The following ZNF652 variants were observed in gnomAD, a reference collection of about 807,000 sequenced individuals.
ZNF652 encodes the protein zinc finger protein 652.
ZNF652 carries 16 observed loss-of-function variants against 45.2 expected under a neutral mutation model. The ratio of observed to expected loss-of-function variants is 0.35; its 90% CI spans 0.24 to 0.54. ZNF652 has a LOEUF of 0.54. Ranked by LOEUF, ZNF652 falls within the 20% of genes least tolerant of loss-of-function variation. The pLI is 0.91. For synonymous variants in ZNF652, 250 were observed against 260.6 expected (o/e 0.96, Z 0.39); for missense variants, 614 against 765.6 (o/e 0.80, Z 2.34).
rs1342377056 is a variant in ZNF652, at chr17:49,312,827, A to G, written c.919T>C (p.Ser307Pro). The change falls in exon 3 of 6, where the codon TCG (serine) becomes CCG (proline). Residue 307 changes from serine (S) to proline (P), a missense_variant. Ser to Pro is a moderately conservative substitution (Grantham distance 74). Around this residue, in one of 5 missense-constraint regions of ZNF652, gnomAD observed 262 missense variants for 306.3 expected, o/e 0.86. Transcript: ENST00000430262. ...KNIQCVSCNKSFKKLWSLHEH... is the reference protein window; with the variant it reads ...KNIQCVSCNKPFKKLWSLHEH... Reference sequence around the variant, plus strand: ...TGAAGGGACCAGAGTTTCTTGAACGATTTGTTACAGGAAACACACTGAGCA... The same window carrying G: ...TGAAGGGACCAGAGTTTCTTGAACGGTTTGTTACAGGAAACACACTGAGCA... 1 of 1,613,962 alleles carries G rather than the reference A, an allele frequency of 6.2e-7. No homozygotes were observed. Among genetic ancestry groups the G allele is most frequent in the Admixed American group, 1.7e-5 (1 of 60,006 alleles).
chr17:49,304,055 A>ATTTTTTTTTT (rs58790188), intron 5 of ZNF652, among the ~76,000 whole-genome samples: 8 of 117,392 alleles, frequency 6.8e-5, no homozygotes, highest in Non-Finnish European at 1.0e-4. Flanking sequence ...TGCCTGGCTA[A>ATTTTTTTTTT]TTTTTTTTTT....
intron 1 of ZNF652, among the ~76,000 whole-genome samples, chr17:49,349,939 G>GTA (rs572041472): frequency 1.4e-3 from 213 of 152,190 alleles, no homozygotes; most frequent in African/African-American, 4.9e-3. Flanking sequence ...ATTATATATA[G>GTA]TATATATATG....
intron 1 of ZNF652, among the ~76,000 whole-genome samples, chr17:49,322,866 C>T (rs2069912408): frequency 6.6e-6 from 1 of 152,138 alleles, no homozygotes; most frequent in Non-Finnish European, 1.5e-5. Context: ...GCCTGGGTGA[C>T]AGAGCAAGAC....
At position 49,322,134 on chromosome 17, in the gene ZNF652, A is replaced by G. The variant is rs145750678; in HGVS notation, c.-258-4151T>C. Among the ~76,000 whole-genome samples the G allele has an allele frequency of 5.9e-5, 9 of 152,356 alleles. No individual in the cohort carries two copies. The East Asian group carries it at 1.5e-3, about 26-fold the overall frequency. ...TGATTAAGATGGTACTCAATAAAATAGCTTTTCTAAAGAGACTAAAGATGA... is the reference window on the plus strand; with the variant it reads ...TGATTAAGATGGTACTCAATAAAATGGCTTTTCTAAAGAGACTAAAGATGA... On this transcript the variant is annotated intron_variant, in intron 1 of 5. Transcript: ENST00000430262.
chr17:49,339,685 C>T (rs1191009901), intron 1 of ZNF652, among the ~76,000 whole-genome samples: 4 of 152,138 alleles, frequency 2.6e-5, no homozygotes, highest in African/African-American at 7.2e-5. Flanking sequence ...TTTAACCAAG[C>T]GATTTTCCAT....
intron 1 of ZNF652, among the ~76,000 whole-genome samples, chr17:49,349,864 C>G (rs1214924519): frequency 6.6e-6 from 1 of 152,154 alleles, no homozygotes; most frequent in Non-Finnish European, 1.5e-5. Context: ...CACAAGATAA[C>G]TCTTAAAGAT....
At chr17:49,299,026 G>A (rs2069515787) in intron 5 of ZNF652, 102 bp from the exon 6 acceptor site, 6 of 1,278,470 alleles carry the variant, frequency 4.7e-6, no homozygotes, top group African/African-American at 1.5e-5. Context: ...ATGTTGATCA[G>A]GCTGGTCTCG....
At chr17:49,320,795 A>G (rs965428729) in intron 1 of ZNF652, among the ~76,000 whole-genome samples, 8 of 152,270 alleles carry the variant, frequency 5.3e-5, no homozygotes, top group Admixed American at 3.9e-4. Context: ...AAAAGAATAA[A>G]GAGTAATCAT....
intron 1 of ZNF652, among the ~76,000 whole-genome samples, chr17:49,344,565 G>C (rs1297990319): frequency 1.4e-5 from 2 of 144,596 alleles, no homozygotes; most frequent in Non-Finnish European, 3.0e-5. Flanking sequence ...CTGTCACCCA[G>C]GCTGGAGTGC....
Position 49,317,390 on chromosome 17 carries a change from G to A in ZNF652, c.336C>T (p.Tyr112=). The A allele has an allele frequency of 6.2e-7, 1 of 1,613,950 alleles. No individual in the cohort carries two copies. Among genetic ancestry groups the A allele is most frequent in the African/African-American group, 1.3e-5 (1 of 74,938 alleles). ...DTEEEEEEVS[Y]KREQIIVEVN... ...CCTCCACTATGATCTGCTCCCTTTT[G>A]TAAGAGACTTCTTCCTCTTCCTCCT... Residue 112 remains tyrosine, a synonymous_variant, in exon 2 of 6, where the codon TAC becomes TAT. Transcript: ENST00000430262.
intron 1 of ZNF652, among the ~76,000 whole-genome samples, chr17:49,329,912 A>G (rs1433149363): frequency 6.6e-6 from 1 of 152,234 alleles, no homozygotes; most frequent in Non-Finnish European, 1.5e-5. Flanking sequence ...AGTCAGCTGA[A>G]GCAATCTTAA....
intron 1 of ZNF652, among the ~76,000 whole-genome samples, chr17:49,319,860 G>A (rs2069865486): frequency 1.3e-5 from 2 of 151,856 alleles, no homozygotes; most frequent in African/African-American, 4.8e-5. Context: ...CCAGGCTGGT[G>A]GGACTGATTT....
At chr17:49,335,233 T>C (rs2070067997) in intron 1 of ZNF652, among the ~76,000 whole-genome samples, 1 of 152,216 alleles carries the variant, frequency 6.6e-6, no homozygotes, top group African/African-American at 2.4e-5. Context: ...TTGTATAAAA[T>C]GATATTATTG....
chr17:49,327,759 ATATATATATATATATATATAT>A (rs2069975957), intron 1 of ZNF652, among the ~76,000 whole-genome samples: 5 of 9,670 alleles, frequency 5.2e-4, no homozygotes, highest in East Asian at 4.8e-3. Flanking sequence ...ATATATATAT[ATATATATATATATATATATAT>A]TTTTTTTTTT....
intron 1 of ZNF652, among the ~76,000 whole-genome samples, chr17:49,339,196 A>ATT (rs766243923): frequency 0.24 from 23,502 of 98,934 alleles, 2,319 homozygotes; most frequent in South Asian, 0.31. Context: ...TGAGTTAGGA[A>ATT]ATTTTTTTTT....
intron 2 of ZNF652, among the ~76,000 whole-genome samples, chr17:49,313,564 G>C (rs1197882050): frequency 8.5e-5 from 13 of 152,240 alleles, no homozygotes; most frequent in Admixed American, 7.8e-4. Flanking sequence ...GGTTTTACCA[G>C]AGAATATAAA....
chr17:49,356,377 C>T (rs143337822), intron 1 of ZNF652, among the ~76,000 whole-genome samples: 10 of 119,838 alleles, frequency 8.3e-5, no homozygotes, highest in Non-Finnish European at 1.6e-4. Context: ...TGCAATGAGC[C>T]GAGATCACAC....
chr17:49,302,008 T>C (rs1446922968), intron 5 of ZNF652, among the ~76,000 whole-genome samples: 1 of 152,014 alleles, frequency 6.6e-6, no homozygotes, highest in African/African-American at 2.4e-5. Context: ...TCCCAGCACT[T>C]TGGGAGGCCG....
chr17:49,295,968 G>C lies in ZNF652; in HGVS notation c.*2445C>G, dbSNP rs1301651611. 1.2e-5 allele frequency: 1 copy of C among 86,546 alleles called. No homozygotes were observed. Among genetic ancestry groups the C allele is most frequent in the Non-Finnish European group, 2.4e-5 (1 of 41,282 alleles). The allele number at this position is 86,546 out of a possible 1,614,324, so 5.4% of individuals were successfully genotyped here. A position where few individuals can be genotyped will look rare whatever the true frequency, so the allele number is the denominator to read the frequency against. On this transcript the variant is annotated 3_prime_UTR_variant, in exon 6 of 6. Transcript: ENST00000430262. ...AAAAAAAAAAAAAAAAAAAAAAACA[G>C]AACAAAATATAACCAATTAACTAAG... is the stretch of plus-strand genomic sequence containing the variant.
Sources: allele counts gnomAD v4.1 joint callset (sites outside exome capture counted in the v4.1 genomes callset), GRCh38; gene constraint gnomAD v4.1.1; regional missense constraint gnomAD v4.1.1; transcripts MANE v1.5; gene names NCBI Gene and HGNC (gene_info 2026-07-23, HGNC 2026-07-21).